TMEM273: variants seen among roughly 807,000 people sequenced by gnomAD.
The protein encoded by TMEM273 is chromosome 10 open reading frame 128.
Under a neutral mutation model 17.9 loss-of-function variants are expected in TMEM273, and 19 were observed. The observed-to-expected ratio is 1.06, with a 90% CI of 0.74 to 1.55. The LOEUF is 1.55. TMEM273 is among the 40% of genes most tolerant of loss of function. TMEM273 has a pLI of 0.00. For synonymous variants in TMEM273, 66 were observed against 62.0 expected, an observed-to-expected ratio of 1.07 and a Z score of -0.31; for missense variants, 194 against 155.6, an observed-to-expected ratio of 1.25 and a Z score of -1.31.
rs1005377846 is a variant in TMEM273 at position 49,167,123 on chromosome 10, T to G, written c.98-114A>C. The G allele has an allele frequency of 2.8e-6, 4 of 1,425,754 alleles. No individual in the cohort carries two copies. The African/African-American group carries it at 5.7e-5, about 20-fold the overall frequency. 88.3% of individuals were successfully genotyped at this position (1,425,754 alleles called of 1,614,324 possible). On this transcript the variant is annotated intron_variant, in intron 2 of 6. Transcript: ENST00000374153. ...CCTTAACACACCACCTCCCACTGGC[T>G]GAGGCCAGCCTCACCTTCTACTCTC...
intron 1 of TMEM273, among the ~76,000 whole-genome samples, chr10:49,174,299 C>A (rs1417633878): frequency 1.3e-5 from 2 of 152,226 alleles, no homozygotes; most frequent in African/African-American, 2.4e-5. Context: ...TCAGGCACTC[C>A]ACGGGGCTGT....
At chr10:49,179,568 AT>A (rs761894977) in intron 1 of TMEM273, among the ~76,000 whole-genome samples, 14 of 152,212 alleles carry the variant, frequency 9.2e-5, no homozygotes, top group Non-Finnish European at 1.5e-4. Context: ...ACTTTTCCCT[AT>A]TCCTCTCACT....
chr10:49,187,653 T>C (rs1406160675), intron 1 of TMEM273, among the ~76,000 whole-genome samples: 1 of 152,234 alleles, frequency 6.6e-6, no homozygotes, highest in African/African-American at 2.4e-5. Flanking sequence ...TTTGAGTTTC[T>C]TCCTCTCTGT....
intron 1 of TMEM273, among the ~76,000 whole-genome samples, chr10:49,187,815 C>A (rs1327906117): frequency 6.6e-6 from 1 of 152,234 alleles, no homozygotes; most frequent in Non-Finnish European, 1.5e-5. Flanking sequence ...TGCTTCACTG[C>A]ATGAGAATTC....
chr10:49,171,036 G>C (rs1384671057), intron 1 of TMEM273, among the ~76,000 whole-genome samples: 1 of 152,214 alleles, frequency 6.6e-6, no homozygotes, highest in East Asian at 1.9e-4. Context: ...GACCCCAGGA[G>C]GAAGCCCACG....
At chr10:49,162,234 A>G (rs1254304672) in intron 5 of TMEM273, among the ~76,000 whole-genome samples, 1 of 152,232 alleles carries the variant, frequency 6.6e-6, no homozygotes, top group Non-Finnish European at 1.5e-5. Flanking sequence ...TATTGCTCAC[A>G]GCAGCATCAT....
intron 1 of TMEM273, among the ~76,000 whole-genome samples, chr10:49,185,578 G>A (rs536869021): frequency 1.3e-5 from 2 of 152,124 alleles, no homozygotes; most frequent in Non-Finnish European, 1.5e-5. Flanking sequence ...TGTCATATTC[G>A]CTTTTTGTTC....
chr10:49,185,810 C>T (rs961773046), intron 1 of TMEM273, among the ~76,000 whole-genome samples: 12 of 151,978 alleles, frequency 7.9e-5, no homozygotes, highest in African/African-American at 2.4e-5. Flanking sequence ...GAAGCCGCAT[C>T]TCTACTAAAA....
intron 4 of TMEM273, 114 bp from the exon 5 acceptor site, chr10:49,165,397 G>A: frequency 9.2e-6 from 14 of 1,525,448 alleles, no homozygotes; most frequent in Non-Finnish European, 1.2e-5. Context: ...ATGCCAGCAG[G>A]GAAGCCCAGA....
intron 1 of TMEM273, among the ~76,000 whole-genome samples, chr10:49,176,192 A>T (rs552378351): frequency 6.6e-6 from 1 of 152,300 alleles, no homozygotes; most frequent in South Asian, 2.1e-4. Context: ...GCCCTTCCAC[A>T]AGCAAACACG....
intron 1 of TMEM273, among the ~76,000 whole-genome samples, chr10:49,172,050 G>C (rs1245282717): frequency 6.6e-6 from 1 of 152,226 alleles, no homozygotes; most frequent in Non-Finnish European, 1.5e-5. Flanking sequence ...TGCCCTAAGT[G>C]TTTGTCAATG....
intron 1 of TMEM273, 115 bp downstream of exon 1, chr10:49,188,179 T>A: frequency 8.7e-7 from 1 of 1,144,110 alleles, no homozygotes; most frequent in Non-Finnish European, 1.3e-6. Flanking sequence ...AAACATCATC[T>A]GTGTAAAGGG....
In TMEM273 at chr10:49,173,329, C is replaced by T. The variant is rs183567755; in HGVS notation, c.44-5367G>A. On this transcript the variant is annotated intron_variant, in intron 1 of 6. Coordinates refer to ENST00000374153, the MANE Select transcript of TMEM273 (RefSeq NM_001288740.3). ...ACTTCGGTAGTGGGTCCTGAGAGGG[C>T]GTCACTGGAGACTGGGAGATAGGAG... 9.2e-5 allele frequency among the ~76,000 whole-genome samples: 14 copies of T among 152,258 alleles called. No individual in the cohort carries two copies. The East Asian group carries it at 9.7e-4, about 10-fold the overall frequency.
intron 1 of TMEM273, among the ~76,000 whole-genome samples, chr10:49,168,745 G>C (rs2132168409): frequency 6.6e-6 from 1 of 151,742 alleles, no homozygotes; most frequent in Admixed American, 6.6e-5. Context: ...AAAGAAAGAA[G>C]GAAAGAGAGC....
intron 5 of TMEM273, among the ~76,000 whole-genome samples, chr10:49,163,551 C>T (rs1845982374): frequency 6.6e-6 from 1 of 152,206 alleles, no homozygotes. Context: ...CAGGCTCACA[C>T]CTATCATCCT....
chr10:49,171,334 C>T (rs1564633947), intron 1 of TMEM273, among the ~76,000 whole-genome samples: 1 of 152,132 alleles, frequency 6.6e-6, no homozygotes, highest in Non-Finnish European at 1.5e-5. Flanking sequence ...GAATACAGGC[C>T]CTTGCTGCTG....
At chr10:49,178,738 CTTT>C (rs1847159238) in intron 1 of TMEM273, among the ~76,000 whole-genome samples, 1 of 152,184 alleles carries the variant, frequency 6.6e-6, no homozygotes, top group South Asian at 2.1e-4. Flanking sequence ...AGAGCTTCTC[CTTT>C]TTCTTCTGTG....
At chr10:49,156,127 C>T (rs1441786229) in intron 6 of TMEM273, 1 of 1,536,672 alleles carries the variant, frequency 6.5e-7, no homozygotes, top group Admixed American at 2.0e-5. Flanking sequence ...TTTCTGCCTG[C>T]CAAACCCAAG....
chr10:49,174,521 A>G (rs916626026), intron 1 of TMEM273, among the ~76,000 whole-genome samples: 2 of 152,124 alleles, frequency 1.3e-5, no homozygotes, highest in African/African-American at 4.8e-5. Context: ...ACCACCTGAG[A>G]TTTCTCTTCC....
Sources: allele counts gnomAD v4.1 joint callset (sites outside exome capture counted in the v4.1 genomes callset), GRCh38; gene constraint gnomAD v4.1.1; transcripts MANE v1.5; gene names NCBI Gene and HGNC (gene_info 2026-07-23, HGNC 2026-07-21).